Variants in TEX48 observed in about 807,000 individuals in gnomAD.
TEX48 encodes the protein testis expressed 48.
A neutral mutation model predicts 13.2 loss-of-function variants in TEX48; 10 were observed. The ratio of observed to expected loss-of-function variants is 0.75; its 90% CI spans 0.47 to 1.28. The LOEUF (loss-of-function observed/expected upper bound fraction) is 1.28, where lower values mean the gene tolerates loss of function less well. TEX48 is among the 50% of genes most tolerant of loss of function. The pLI, the probability that TEX48 is intolerant of heterozygous loss-of-function variation, is 0.00. For missense variants in TEX48, 116 were observed against 139.4 expected (o/e 0.83, Z 0.84); for synonymous variants, 45 against 52.3 (o/e 0.86, Z 0.60).
At chr9:114,674,601 C>CTCTT (rs1463021505) in intron 1 of TEX48, among the ~76,000 whole-genome samples, 1 of 84,718 alleles carries the variant, frequency 1.2e-5, no homozygotes, top group Non-Finnish European at 2.3e-5. Context: ...TTCTCTTTTT[C>CTCTT]TTTCCTTCCT....
At chr9:114,674,656 TC>T (rs761856893) in intron 1 of TEX48, among the ~76,000 whole-genome samples, 14,872 of 92,748 alleles carry the variant, frequency 0.16, 1,986 homozygotes, top group Non-Finnish European at 0.18. Context: ...CTTCCTTCCT[TC>T]CTTCCTTCCT....
chr9:114,680,549 G>T lies in TEX48; in HGVS notation c.-105+1486C>A, dbSNP rs369238204. Among the ~76,000 whole-genome samples the T allele has an allele frequency of 1.6e-4, 25 of 152,284 alleles. No individual in the cohort carries two copies. The East Asian group carries it at 2.5e-3, about 15-fold the overall frequency. On this transcript the variant is annotated intron_variant, in intron 1 of 4. Transcript: ENST00000436752. ...CAAAGAAAAAATGAGAAGAAATGAG[G>T]CAGACTGATACTCAAAATGAAAACC...
chr9:114,669,075 A>T (rs1827894561), intron 3 of TEX48, among the ~76,000 whole-genome samples: 1 of 152,102 alleles, frequency 6.6e-6, no homozygotes, highest in African/African-American at 2.4e-5. Context: ...TCCTGGCCTC[A>T]AGTAATCCTT....
At chr9:114,677,939 C>T (rs1286302982) in intron 1 of TEX48, among the ~76,000 whole-genome samples, 1 of 151,900 alleles carries the variant, frequency 6.6e-6, no homozygotes, top group Non-Finnish European at 1.5e-5. Flanking sequence ...AGGTTGTTGC[C>T]TCTTCCTGGA....
At chr9:114,670,258 T>G (rs564412895) in intron 3 of TEX48, among the ~76,000 whole-genome samples, 1 of 152,354 alleles carries the variant, frequency 6.6e-6, no homozygotes, top group African/African-American at 2.4e-5. Flanking sequence ...TTTCATTAAT[T>G]ATCATCATTC....
At chr9:114,672,277 G>C (rs990290224) in intron 1 of TEX48, among the ~76,000 whole-genome samples, 1 of 152,154 alleles carries the variant, frequency 6.6e-6, no homozygotes, top group Non-Finnish European at 1.5e-5. Flanking sequence ...GGAGGGCTTT[G>C]GGTAGGTCCA....
intron 1 of TEX48, among the ~76,000 whole-genome samples, chr9:114,674,797 T>C (rs547772790): frequency 6.6e-6 from 1 of 151,536 alleles, no homozygotes; most frequent in South Asian, 2.1e-4. Flanking sequence ...CTCAGCCTCC[T>C]GAGTAGCTGG....
At chr9:114,669,545 G>A (rs1353978198) in intron 3 of TEX48, among the ~76,000 whole-genome samples, 5 of 151,808 alleles carry the variant, frequency 3.3e-5, no homozygotes, top group African/African-American at 1.2e-4. Context: ...GGGTTCAAGC[G>A]ATTCTCCTGC....
chr9:114,676,042 G>A (rs762752555), intron 1 of TEX48, among the ~76,000 whole-genome samples: 2 of 152,234 alleles, frequency 1.3e-5, no homozygotes, highest in African/African-American at 2.4e-5. Flanking sequence ...GCCTGTTATT[G>A]TACAGTGACT....
intron 1 of TEX48, among the ~76,000 whole-genome samples, chr9:114,679,288 A>G (rs7048742): frequency 0.5 from 72,114 of 145,606 alleles, 18,117 homozygotes; most frequent in African/African-American, 0.57. Flanking sequence ...TAATCTTTTG[A>G]CCTACTAGAT....
chr9:114,677,759 G>C (rs1828102619), intron 1 of TEX48, among the ~76,000 whole-genome samples: 1 of 148,300 alleles, frequency 6.7e-6, no homozygotes, highest in Non-Finnish European at 1.5e-5. Flanking sequence ...ATAAAAGAAG[G>C]TCACTTTTTT....
chr9:114,673,195 G>A (rs778452645), intron 1 of TEX48, among the ~76,000 whole-genome samples: 11 of 152,136 alleles, frequency 7.2e-5, no homozygotes, highest in South Asian at 2.1e-4. Flanking sequence ...CACAACGACC[G>A]GGCGCGGTGG....
chr9:114,668,149 C>G, intron 4 of TEX48, 57 bp downstream of exon 4: 1 of 1,531,408 alleles, frequency 6.5e-7, no homozygotes. Context: ...GTTATTAGGA[C>G]CAGGCTCCCT....
chr9:114,675,917 A>G (rs1333107224), intron 1 of TEX48, among the ~76,000 whole-genome samples: 1 of 152,164 alleles, frequency 6.6e-6, no homozygotes, highest in Non-Finnish European at 1.5e-5. Context: ...TCCTTGAGTC[A>G]TCAAACTCCA....
intron 1 of TEX48, among the ~76,000 whole-genome samples, chr9:114,681,348 A>G (rs17810013): frequency 0.17 from 25,286 of 152,042 alleles, 2,168 homozygotes; most frequent in Non-Finnish European, 0.18. Context: ...TGAGTTTTTG[A>G]ACCCTCTTCA....
intron 1 of TEX48, among the ~76,000 whole-genome samples, chr9:114,674,270 CTCCAATTCCCCAAT>C (rs944326314): frequency 7.7e-6 from 1 of 130,374 alleles, no homozygotes; most frequent in Non-Finnish European, 1.8e-5. Flanking sequence ...TCTTCAATTC[CTCCAATTCCCCAAT>C]TCCATTTGCC....
chr9:114,680,238 C>T (rs531992589), intron 1 of TEX48, among the ~76,000 whole-genome samples: 2 of 149,218 alleles, frequency 1.3e-5, no homozygotes, highest in East Asian at 4.0e-4. Flanking sequence ...AGCGATTCTC[C>T]TGCCTCAGCC....
chr9:114,667,762 G>A (rs537130756), intron 4 of TEX48, among the ~76,000 whole-genome samples: 4 of 152,100 alleles, frequency 2.6e-5, no homozygotes, highest in African/African-American at 9.7e-5. Context: ...AACCAGGCAT[G>A]TTGGTGGGCG....
intron 1 of TEX48, among the ~76,000 whole-genome samples, chr9:114,681,597 TTAA>T (rs1215811881): frequency 6.6e-6 from 1 of 152,172 alleles, no homozygotes; most frequent in Admixed American, 6.5e-5. Context: ...TCGTAAAGGC[TTAA>T]TAAATACAGA....
Sources: gnomAD v4.1 joint callset for allele counts (sites outside exome capture counted in the v4.1 genomes callset) on GRCh38, gnomAD v4.1.1 for gene constraint, MANE v1.5 for transcripts, NCBI Gene and HGNC (gene_info 2026-07-23, HGNC 2026-07-21) for gene names.